The following COL5A2 variants were observed in gnomAD, a reference collection of about 807,000 sequenced individuals.
COL5A2 encodes collagen alpha-2(V) chain.
In COL5A2, 23 loss-of-function variants were observed where a neutral mutation model predicts 208.2. The observed-to-expected ratio is 0.11, with a 90% CI of 0.08 to 0.16. The LOEUF is 0.16. COL5A2 is among the 10% of genes least tolerant of loss of function. The probability of loss-of-function intolerance (pLI) is 1.00; values close to 1 mark genes in which losing one functional copy is unlikely to be tolerated. For missense variants in COL5A2, 1,590 were observed against 1,956.4 expected (o/e 0.81, Z 3.53); for synonymous variants, 625 against 628.5 (o/e 0.99, Z 0.08).
chr2:189,033,783 T>G lies in COL5A2; in HGVS notation c.*287A>C, dbSNP rs1685386594. On this transcript the variant is annotated 3_prime_UTR_variant, in exon 54 of 54. Transcript: ENST00000374866. ...TAAATTGAAGAAAACGGAGATTTAT[T>G]TATTCAATCAGTTTACTTTCTGCAA... The G allele has an allele frequency of 4.6e-6, 2 of 435,236 alleles. No individual in the cohort carries two copies. Among genetic ancestry groups the G allele is most frequent in the South Asian group, 5.3e-5 (2 of 37,632 alleles). 27.0% of individuals were successfully genotyped at this position (435,236 alleles called of 1,614,324 possible).
intron 15 of COL5A2, 77 bp downstream of exon 15, chr2:189,078,986 A>C (rs1369112352): frequency 1.3e-5 from 15 of 1,161,678 alleles, no homozygotes; most frequent in Non-Finnish European, 1.8e-5. Flanking sequence ...TTTTCATTTA[A>C]AAATTCTCTT....
intron 16 of COL5A2, among the ~76,000 whole-genome samples, chr2:189,077,478 A>G (rs1319388471): frequency 1.3e-5 from 2 of 152,200 alleles, no homozygotes; most frequent in African/African-American, 2.4e-5. Context: ...GACATGGGAG[A>G]CAGTTCTTAG....
At chr2:189,211,470 T>A (rs1689212191) in intron 1 of COL5A2, among the ~76,000 whole-genome samples, 1 of 152,168 alleles carries the variant, frequency 6.6e-6, no homozygotes, top group Non-Finnish European at 1.5e-5. Context: ...ATTATCATTA[T>A]TATAGAAAGT....
At position 189,098,713 on chromosome 2, in the gene COL5A2, G is replaced by T; in HGVS notation, c.402+14C>A. 1 of 1,604,468 alleles carries T rather than the reference G, an allele frequency of 6.2e-7. No individual in the cohort carries two copies. The highest frequency in any genetic ancestry group is 1.1e-5 in the South Asian group (1 of 90,884). On this transcript the variant is annotated intron_variant, in intron 5 of 53. Transcript: ENST00000374866. The stretch of plus-strand genomic sequence containing the variant: ...AATACAAGAGTACCAAGAATATTGG[G>T]AGAAACTACTTACTGCCGGTCCTGG...
At chr2:189,432,539 T>G in the COL5A2 span, among the ~76,000 whole-genome samples, 1 of 152,102 alleles carries the variant, frequency 6.6e-6, no homozygotes, top group Admixed American at 6.5e-5. Flanking sequence ...TCCTAGTCTC[T>G]GATAAAACAG....
the COL5A2 span, chr2:189,311,643 G>A: frequency 3.9e-5 from 31 of 789,780 alleles, no homozygotes; most frequent in Admixed American, 3.9e-4. Context: ...TCCAAGGACT[G>A]GACTGTATGT....
intron 37 of COL5A2, among the ~76,000 whole-genome samples, 157 bp from the exon 38 acceptor site, chr2:189,053,634 T>C (rs936957759): frequency 2.6e-5 from 4 of 152,128 alleles, no homozygotes; most frequent in Non-Finnish European, 5.9e-5. Flanking sequence ...TATAAAGATA[T>C]AGGTCATAGA....
intron 1 of COL5A2, among the ~76,000 whole-genome samples, chr2:189,151,599 C>T (rs1576558434): frequency 6.6e-6 from 1 of 152,156 alleles, no homozygotes; most frequent in Admixed American, 6.5e-5. Context: ...GTTTACCCCT[C>T]TTCCATGATA....
the COL5A2 span, among the ~76,000 whole-genome samples, chr2:189,278,568 A>G: frequency 6.6e-6 from 1 of 152,090 alleles, no homozygotes; most frequent in Non-Finnish European, 1.5e-5. Context: ...CATTATAAAG[A>G]GTCTAACATT....
At chr2:189,419,868 AGAG>A in the COL5A2 span, among the ~76,000 whole-genome samples, 14 of 146,614 alleles carry the variant, frequency 9.5e-5, no homozygotes, top group Admixed American at 2.0e-4. Flanking sequence ...AGGTGAGAGG[AGAG>A]GAGGAGGAGG....
the COL5A2 span, among the ~76,000 whole-genome samples, chr2:189,422,721 G>A: frequency 1.5e-3 from 229 of 152,190 alleles, 3 homozygotes; most frequent in Middle Eastern, 0.017. Context: ...ATAACAGGAG[G>A]AACTTCAGAA....
At chr2:189,259,731 C>T in the COL5A2 span, among the ~76,000 whole-genome samples, 10 of 152,142 alleles carry the variant, frequency 6.6e-5, no homozygotes, top group East Asian at 1.9e-4. Context: ...GCTACGTTAA[C>T]GGACCACGCA....
intron 6 of COL5A2, chr2:189,095,103 G>C (rs1686878821): frequency 6.6e-6 from 1 of 150,526 alleles, no homozygotes; most frequent in African/African-American, 2.5e-5. Context: ...GAGAAACCAT[G>C]CTGTACATTG....
chr2:189,279,788 G>C, the COL5A2 span, among the ~76,000 whole-genome samples: 1 of 152,062 alleles, frequency 6.6e-6, no homozygotes, highest in Non-Finnish European at 1.5e-5. Context: ...TACTGGGCAA[G>C]AGAAAACTTG....
At chr2:189,374,308 CTT>C in the COL5A2 span, among the ~76,000 whole-genome samples, 1 of 144,552 alleles carries the variant, frequency 6.9e-6, no homozygotes, top group African/African-American at 2.5e-5. Flanking sequence ...GTTAGATATC[CTT>C]TTTTTTTTTG....
chr2:189,148,942 C>A (rs1336387865), intron 1 of COL5A2, among the ~76,000 whole-genome samples: 1 of 152,088 alleles, frequency 6.6e-6, no homozygotes, highest in Non-Finnish European at 1.5e-5. Context: ...GAGTTGGAGA[C>A]CAGCTTGACC....
At chr2:189,219,873 GCC>G (rs5837132) in intron 1 of COL5A2, among the ~76,000 whole-genome samples, 30 of 150,870 alleles carry the variant, frequency 2.0e-4, no homozygotes, top group East Asian at 1.4e-3. Flanking sequence ...CAGATAGAGT[GCC>G]CCCCCCCCAC....
chr2:189,411,057 A>G, the COL5A2 span, among the ~76,000 whole-genome samples: 1 of 152,066 alleles, frequency 6.6e-6, no homozygotes, highest in Non-Finnish European at 1.5e-5. Flanking sequence ...GTGTTTTTTT[A>G]TGTTTCCCAA....
Position 189,084,002 on chromosome 2 carries a change from C to G in COL5A2, c.834G>C (p.Val278=). 6.2e-7 allele frequency: 1 copy of G among 1,613,412 alleles called. No homozygotes were observed. Among genetic ancestry groups the G allele is most frequent in the African/African-American group, 1.3e-5 (1 of 75,010 alleles). Residue 278 remains valine (V), a synonymous_variant, in exon 12 of 54, where the codon GTG becomes GTC. Coordinates refer to ENST00000374866, the MANE Select transcript of COL5A2 (RefSeq NM_000393.5). ...EPGRNGNPGE[V]GFAGSPGARG... is the part of the protein sequence containing the mutation. The stretch of plus-strand genomic sequence containing the variant: ...AACTTACCGGAGATCCTGCAAATCC[C>G]ACTTCACCAGGATTTCCATTTCTGC...
Sources: allele counts gnomAD v4.1 joint callset (sites outside exome capture counted in the v4.1 genomes callset), GRCh38; gene constraint gnomAD v4.1.1; transcripts MANE v1.5; gene names NCBI Gene and HGNC (gene_info 2026-07-23, HGNC 2026-07-21).